The following LMO7 variants were observed in gnomAD, a reference collection of about 807,000 sequenced individuals.
LMO7 encodes the protein LIM domain 7, also known as LIM domain only protein 7.
A neutral mutation model predicts 206.5 loss-of-function variants in LMO7; 120 were observed. The ratio of observed to expected loss-of-function variants is 0.58; its 90% CI spans 0.50 to 0.68. LMO7 has a LOEUF of 0.68. Among genes scored for constraint, LMO7 ranks in the 30% least tolerant of loss-of-function variants. The pLI, the probability that LMO7 is intolerant of heterozygous loss-of-function variation, is 0.00. For missense variants in LMO7, 1,959 were observed against 1,957.9 expected (o/e 1.00, Z -0.01); for synonymous variants, 706 against 681.5 (o/e 1.04, Z -0.56).
At chr13:75,746,848 A>G (rs1271230398) in intron 3 of LMO7, among the ~76,000 whole-genome samples, 2 of 152,120 alleles carry the variant, frequency 1.3e-5, no homozygotes, top group African/African-American at 4.8e-5. Flanking sequence ...CACCTTCTGT[A>G]GGTGAAATCT....
chr13:75,684,840 TAC>T (rs10617955), intron 1 of LMO7, among the ~76,000 whole-genome samples: 7 of 151,370 alleles, frequency 4.6e-5, no homozygotes, highest in Admixed American at 6.6e-5. Flanking sequence ...CACACGCACA[TAC>T]ACACACACAC....
chr13:75,715,958 C>A (rs1156639199), intron 2 of LMO7, among the ~76,000 whole-genome samples: 4 of 152,112 alleles, frequency 2.6e-5, no homozygotes, highest in Non-Finnish European at 5.9e-5. Context: ...CTAGAGATCC[C>A]AAGTTTTAGG....
rs35634098 is a variant in LMO7, at chr13:75,845,386, G to A, written c.4150+7G>A. The A allele has an allele frequency of 0.031, 49,133 of 1,559,908 alleles. 972 individuals are homozygous for A. Among genetic ancestry groups the A allele is most frequent in the Non-Finnish European group, 0.038 (43,141 of 1,134,874 alleles). On this transcript the variant is annotated splice_region_variant and intron_variant, in intron 26 of 30. Coordinates refer to ENST00000377534, the MANE Select transcript of LMO7 (RefSeq NM_001306080.2). ...TACTCCACAAATAAAAATGGTAAAT[G>A]CGATATTTTCCCCCAAACTCCTTCA...
At chr13:75,625,529 C>A (rs927345660) in intron 2 of LMO7, among the ~76,000 whole-genome samples, 1 of 152,072 alleles carries the variant, frequency 6.6e-6, no homozygotes, top group Non-Finnish European at 1.5e-5. Flanking sequence ...TTGATTTTCT[C>A]AGTAAGCATA....
chr13:75,679,355 T>G (rs1166729315), intron 1 of LMO7, among the ~76,000 whole-genome samples: 1 of 152,222 alleles, frequency 6.6e-6, no homozygotes, highest in Non-Finnish European at 1.5e-5. Context: ...AGAGCGGCAG[T>G]TCCAGAAGGT....
intron 1 of LMO7, among the ~76,000 whole-genome samples, chr13:75,639,279 GT>G (rs1025718993): frequency 1.8e-4 from 28 of 152,062 alleles, no homozygotes; most frequent in Admixed American, 5.9e-4. Context: ...TATGAATCTT[GT>G]TTTTACTTAT....
intron 2 of LMO7, chr13:75,627,227 C>T (rs1164389992): frequency 3.9e-5 from 6 of 152,158 alleles, no homozygotes; most frequent in Non-Finnish European, 8.8e-5. Context: ...ACCATTCTTT[C>T]ACTTTCAGTA....
chr13:75,668,791 T>C (rs2039294056), intron 1 of LMO7, among the ~76,000 whole-genome samples: 1 of 152,120 alleles, frequency 6.6e-6, no homozygotes, highest in Non-Finnish European at 1.5e-5. Context: ...CAAAGAGAGA[T>C]CATAGAAAAA....
Position 75,798,808 on chromosome 13 carries a change from C to T in LMO7, c.463-1876C>T, listed in dbSNP as rs533293957. Among the ~76,000 whole-genome samples, 186 of 152,294 alleles carry T rather than the reference C, an allele frequency of 1.2e-3. 1 individual carries two copies. In the Middle Eastern group the frequency reaches 0.014, roughly 11 times the overall value. On this transcript the variant is annotated intron_variant, in intron 6 of 30. Coordinates refer to ENST00000377534, the MANE Select transcript of LMO7 (RefSeq NM_001306080.2). ...TGACTCATTTTAATTGACTTGTCAG[C>T]GTGCCTCCTTAAAAGCCAGGCACCA...
intron 1 of LMO7, among the ~76,000 whole-genome samples, chr13:75,690,511 A>G (rs1333751208): frequency 6.6e-6 from 1 of 152,192 alleles, no homozygotes; most frequent in African/African-American, 2.4e-5. Context: ...TTGAATAAAT[A>G]AAGTACTTGA....
intron 3 of LMO7, among the ~76,000 whole-genome samples, chr13:75,752,767 A>G (rs1555308753): frequency 6.6e-6 from 1 of 152,206 alleles, no homozygotes; most frequent in Non-Finnish European, 1.5e-5. Context: ...ACATGATTTC[A>G]TTTTTTAATG....
intron 11 of LMO7, among the ~76,000 whole-genome samples, chr13:75,811,675 T>G (rs1428513262): frequency 6.6e-6 from 1 of 152,246 alleles, no homozygotes; most frequent in African/African-American, 2.4e-5. Context: ...TCAGTTTGTC[T>G]GTTTATTTTT....
intron 29 of LMO7, among the ~76,000 whole-genome samples, chr13:75,855,914 T>C (rs2060892010): frequency 6.6e-6 from 1 of 152,236 alleles, no homozygotes; most frequent in Non-Finnish European, 1.5e-5. Flanking sequence ...GAACTTGCAT[T>C]GGGCCAGAGA....
intron 1 of LMO7, among the ~76,000 whole-genome samples, chr13:75,637,857 G>A (rs2036110970): frequency 6.6e-6 from 1 of 152,204 alleles, no homozygotes; most frequent in Non-Finnish European, 1.5e-5. Flanking sequence ...GGAGGTCTAA[G>A]GAATGAGCTT....
chr13:75,681,734 A>ATGTG (rs1230934007), intron 1 of LMO7, among the ~76,000 whole-genome samples: 1 of 134,674 alleles, frequency 7.4e-6, no homozygotes, highest in Non-Finnish European at 1.6e-5. Flanking sequence ...ATATATATAT[A>ATGTG]TATATATATA....
At chr13:75,651,673 C>T (rs10507832) in intron 1 of LMO7, among the ~76,000 whole-genome samples, 79,203 of 151,980 alleles carry the variant, frequency 0.52, 20,934 homozygotes, top group Admixed American at 0.62. Flanking sequence ...ACTTGTACTT[C>T]GTAGAACTGA....
At chr13:75,688,923 T>C (rs1025918710) in intron 1 of LMO7, 2 of 152,218 alleles carry the variant, frequency 1.3e-5, no homozygotes, top group Admixed American at 1.3e-4. Context: ...TTTATCTTTT[T>C]GAGTATTTTC....
intron 13 of LMO7, among the ~76,000 whole-genome samples, chr13:75,820,518 T>C (rs992728897): frequency 6.6e-6 from 1 of 152,214 alleles, no homozygotes; most frequent in Non-Finnish European, 1.5e-5. Flanking sequence ...ATGATATTTA[T>C]AGTGTTTTAA....
At chr13:75,804,225 T>C (rs2055149624) in intron 7 of LMO7, 64 bp from the exon 8 acceptor site, 8 of 1,535,132 alleles carry the variant, frequency 5.2e-6, no homozygotes, top group African/African-American at 1.4e-5. Flanking sequence ...GCAGGCGCGC[T>C]GTGTGGGTTT....
Sources: gnomAD v4.1 joint callset for allele counts (sites outside exome capture counted in the v4.1 genomes callset) on GRCh38, gnomAD v4.1.1 for gene constraint, MANE v1.5 for transcripts, NCBI Gene and HGNC (gene_info 2026-07-23, HGNC 2026-07-21) for gene names.